The following PLXNC1 variants were observed in gnomAD, a reference collection of about 807,000 sequenced individuals.
PLXNC1 encodes plexin-C1.
Under a neutral mutation model 178.2 loss-of-function variants are expected in PLXNC1, and 75 were observed. That is an observed-to-expected ratio of 0.42 (90% confidence interval 0.35 to 0.51). PLXNC1 has a LOEUF of 0.51. Among genes scored for constraint, PLXNC1 ranks in the 20% least tolerant of loss-of-function variants. The pLI, the probability that PLXNC1 is intolerant of heterozygous loss-of-function variation, is 0.02. For synonymous variants in PLXNC1, 790 were observed against 779.9 expected, an observed-to-expected ratio of 1.01 and a Z score of -0.22; for missense variants, 1,503 against 1,984.4, an observed-to-expected ratio of 0.76 and a Z score of 4.61.
rs1963390542 is a variant in PLXNC1 at position 94,209,159 on chromosome 12, A to C, written c.1440-431A>C. Among the ~76,000 whole-genome samples the C allele has an allele frequency of 2.0e-5, 3 of 152,372 alleles. No homozygotes were observed. The South Asian group carries it at 6.2e-4, about 32-fold the overall frequency. On this transcript the variant is annotated intron_variant, in intron 4 of 30. Transcript: ENST00000258526. ...ATTTTTAAACAAAATCAAGTTACAC[A>C]ATAGGTTGATATTCTGAGAATGAAT...
Position 94,255,248 on chromosome 12 carries a change from T to A in PLXNC1, c.3039T>A (p.Val1013=). Residue 1013 remains valine, a synonymous_variant, in exon 17 of 31, where the codon GTT becomes GTA. Transcript: ENST00000258526. ...KLDVVDSFGT[V]PFLDYKHFAL... ...ATGTGGTTGATAGTTTTGGAACTGT[T>A]CCCTTCCTTGACTACAAACATTTTG... The A allele has an allele frequency of 3.7e-6, 6 of 1,614,036 alleles. No homozygotes were observed. The highest frequency in any genetic ancestry group is 5.1e-6 in the Non-Finnish European group (6 of 1,179,854).
chr12:94,176,678 C>T (rs186177807), intron 2 of PLXNC1, among the ~76,000 whole-genome samples: 23 of 152,264 alleles, frequency 1.5e-4, no homozygotes, highest in Admixed American at 1.4e-3. Flanking sequence ...GGCACCTGGT[C>T]TTGACTTCCA....
chr12:94,166,731 T>G (rs2135937064), intron 1 of PLXNC1, among the ~76,000 whole-genome samples: 1 of 151,916 alleles, frequency 6.6e-6, no homozygotes, highest in Admixed American at 6.6e-5. Context: ...CTCTCAAGTT[T>G]GAGAATGTTG....
At chr12:94,222,239 C>G (rs991575970) in intron 6 of PLXNC1, among the ~76,000 whole-genome samples, 1 of 152,190 alleles carries the variant, frequency 6.6e-6, no homozygotes, top group Non-Finnish European at 1.5e-5. Flanking sequence ...CTTTTAGCGC[C>G]TCCATCCGTT....
intron 9 of PLXNC1, among the ~76,000 whole-genome samples, chr12:94,228,055 C>T (rs1963994825): frequency 6.6e-6 from 1 of 152,234 alleles, no homozygotes; most frequent in Non-Finnish European, 1.5e-5. Context: ...GTGGTTTTGA[C>T]TTCTCCACTT....
At position 94,300,940 on chromosome 12, in the gene PLXNC1, G is replaced by C; in HGVS notation, c.4269G>C (p.Leu1423=). The change falls in exon 28 of 31, where the codon CTG becomes CTC. Residue 1423 remains leucine (L), a synonymous_variant. Coordinates refer to ENST00000258526, the MANE Select transcript of PLXNC1 (RefSeq NM_005761.3). ...SLPLRFWVNI[L]KNPQFVFDIK... is the part of the protein sequence containing the mutation. Reference sequence around the variant, plus strand: ...CTCTTCGCTTCTGGGTAAACATCCTGAAGAACCCTCAGTTTGTCTTTGACA... The same window carrying C: ...CTCTTCGCTTCTGGGTAAACATCCTCAAGAACCCTCAGTTTGTCTTTGACA... 1 of 1,613,300 alleles carries C rather than the reference G, an allele frequency of 6.2e-7. No individual in the cohort carries two copies. The highest frequency in any genetic ancestry group is 1.1e-5 in the South Asian group (1 of 91,010).
In PLXNC1 at chr12:94,259,786, G is replaced by A. The variant is rs138392771; in HGVS notation, c.3251+52G>A. The stretch of plus-strand genomic sequence containing the variant: ...AAAGCCTTTAAGAAAAAATCAGGCC[G>A]GGCATGGTGGCTCATGGCTGTAATC... On this transcript the variant is annotated intron_variant, in intron 19 of 30. Coordinates refer to ENST00000258526, the MANE Select transcript of PLXNC1 (RefSeq NM_005761.3). The A allele has an allele frequency of 8.0e-5, 121 of 1,508,182 alleles. 1 individual carries two copies. The highest frequency in any genetic ancestry group is 7.8e-4 in the African/African-American group (55 of 70,338). 93.4% of individuals were successfully genotyped at this position (1,508,182 alleles called of 1,614,324 possible). A position where few individuals can be genotyped will look rare whatever the true frequency, so the allele number is the denominator to read the frequency against.
chr12:94,231,061 C>T (rs116645550), intron 9 of PLXNC1, among the ~76,000 whole-genome samples: 2 of 152,008 alleles, frequency 1.3e-5, no homozygotes, highest in East Asian at 1.9e-4. Flanking sequence ...TATGAAGGTA[C>T]AAGAAAGTAC....
intron 17 of PLXNC1, among the ~76,000 whole-genome samples, chr12:94,256,844 CAAAAA>C (rs35718233): frequency 1.8e-5 from 2 of 110,990 alleles, no homozygotes; most frequent in Non-Finnish European, 3.7e-5. Flanking sequence ...TGAGTGTTTC[CAAAAA>C]AAAAAAAAAA....
In PLXNC1 at chr12:94,294,557, T is replaced by C. The variant is rs1158390728; in HGVS notation, c.3934+17T>C. 3 of 1,104,732 alleles carry C rather than the reference T, an allele frequency of 2.7e-6. No homozygotes were observed. Among genetic ancestry groups the C allele is most frequent in the Non-Finnish European group, 4.1e-6 (3 of 731,050 alleles). The allele number at this position is 1,104,732 out of a possible 1,614,324, so 68.4% of individuals were successfully genotyped here. A position where few individuals can be genotyped will look rare whatever the true frequency, so the allele number is the denominator to read the frequency against. On this transcript the variant is annotated intron_variant, in intron 24 of 30. Transcript: ENST00000258526. ...TTACTTCAGGTAACCAATATAATAT[T>C]GTTAACCTTTTGTTCTCACCCAGCT...
At position 94,220,050 on chromosome 12, in the gene PLXNC1, G is replaced by C; in HGVS notation, c.1589G>C (p.Arg530Thr). ...TVTMVGSFSPRHSKCMVKNVD... is the reference protein window; with the variant it reads ...TVTMVGSFSPTHSKCMVKNVD... Reference sequence around the variant, plus strand: ...ACTATGGTGGGAAGCTTCTCTCCAAGACACTCAAAGTGCATGGTGAAGAAT... The same window carrying C: ...ACTATGGTGGGAAGCTTCTCTCCAACACACTCAAAGTGCATGGTGAAGAAT... The change falls in exon 6 of 31, where the codon AGA (arginine) becomes ACA (threonine). Residue 530 changes from arginine to threonine, a missense_variant. Physicochemically the swap from Arg to Thr is moderately conservative, Grantham distance 71. Transcript: ENST00000258526. 1 of 1,613,912 alleles carries C rather than the reference G, an allele frequency of 6.2e-7. No homozygotes were observed. The highest frequency in any genetic ancestry group is 1.1e-5 in the South Asian group (1 of 91,066).
At chr12:94,283,940 G>A (rs552601465) in intron 23 of PLXNC1, among the ~76,000 whole-genome samples, 4 of 152,128 alleles carry the variant, frequency 2.6e-5, no homozygotes, top group East Asian at 3.9e-4. Context: ...AAAATTAGCC[G>A]GGCATGGTGG....
At chr12:94,272,571 G>A (rs919035917) in intron 21 of PLXNC1, among the ~76,000 whole-genome samples, 4 of 152,172 alleles carry the variant, frequency 2.6e-5, no homozygotes, top group Non-Finnish European at 5.9e-5. Flanking sequence ...GTCACAAGAT[G>A]GCTGCCACCG....
intron 9 of PLXNC1, among the ~76,000 whole-genome samples, chr12:94,229,747 A>G (rs979733873): frequency 2.6e-5 from 4 of 152,244 alleles, no homozygotes; most frequent in South Asian, 2.1e-4. Context: ...TTTCTATTCT[A>G]TTGGTCTATG....
chr12:94,280,915 C>G lies in PLXNC1; in HGVS notation c.3775+1266C>G, dbSNP rs566536519. On this transcript the variant is annotated intron_variant, in intron 22 of 30. Coordinates refer to ENST00000258526, the MANE Select transcript of PLXNC1 (RefSeq NM_005761.3). ...GGGGCCTGGGGACACAGCCTATCAG[C>G]TATGTCAGGCTTCTGTGTGCCTGCT... is the stretch of plus-strand genomic sequence containing the variant. 2.0e-5 allele frequency among the ~76,000 whole-genome samples: 3 copies of G among 152,340 alleles called. No homozygotes were observed. In the East Asian group the frequency reaches 5.8e-4, roughly 29 times the overall value.
intron 4 of PLXNC1, among the ~76,000 whole-genome samples, chr12:94,191,021 C>T (rs1433830078): frequency 6.6e-6 from 1 of 152,218 alleles, no homozygotes; most frequent in Non-Finnish European, 1.5e-5. Flanking sequence ...TAGGAATGAC[C>T]TTACTTCTCT....
chr12:94,282,997 G>T (rs377578327), intron 23 of PLXNC1, among the ~76,000 whole-genome samples: 2 of 152,302 alleles, frequency 1.3e-5, no homozygotes, highest in African/African-American at 4.8e-5. Flanking sequence ...AGGCAGTGAA[G>T]GTTCCTGAAC....
At position 94,265,067 on chromosome 12, in the gene PLXNC1, G is replaced by A; in HGVS notation, c.3451-12G>A. On this transcript the variant is annotated splice_polypyrimidine_tract_variant and intron_variant, in intron 20 of 30. Coordinates refer to ENST00000258526, the MANE Select transcript of PLXNC1 (RefSeq NM_005761.3). ...ACAGAAAGCTAACTGTCACTTTTGTGTCTTTTCCAAGGAGACTGTCGGAGA... is the reference window on the plus strand; with the variant it reads ...ACAGAAAGCTAACTGTCACTTTTGTATCTTTTCCAAGGAGACTGTCGGAGA... 1 of 1,613,084 alleles carries A rather than the reference G, an allele frequency of 6.2e-7. No homozygotes were observed. The highest frequency in any genetic ancestry group is 8.5e-7 in the Non-Finnish European group (1 of 1,179,246).
intron 9 of PLXNC1, among the ~76,000 whole-genome samples, chr12:94,236,480 A>C (rs370136350): frequency 6.6e-6 from 1 of 152,222 alleles, no homozygotes; most frequent in East Asian, 1.9e-4. Context: ...CAGGTGTTGG[A>C]CATCACGGAG....
Sources: allele counts gnomAD v4.1 joint callset (sites outside exome capture counted in the v4.1 genomes callset), GRCh38; gene constraint gnomAD v4.1.1; transcripts MANE v1.5; gene names NCBI Gene and HGNC (gene_info 2026-07-23, HGNC 2026-07-21).